Variants in MASP2 observed in about 807,000 individuals in gnomAD.
MASP2 encodes mannan-binding lectin serine protease 2.
A neutral mutation model predicts 57.1 loss-of-function variants in MASP2; 49 were observed. That is an observed-to-expected ratio of 0.86 (90% CI 0.68 to 1.09). MASP2 has a LOEUF of 1.09. MASP2 is among the 50% of genes least tolerant of loss of function. MASP2 has a pLI of 0.00. For synonymous variants in MASP2, 379 were observed against 340.8 expected (o/e 1.11, Z -1.24); for missense variants, 900 against 874.8 (o/e 1.03, Z -0.36).
chr1:11,026,780 A>G lies in MASP2; in HGVS notation c.*105T>C. On this transcript the variant is annotated 3_prime_UTR_variant, in exon 11 of 11. Transcript: ENST00000400897. Reference sequence around the variant, plus strand: ...GTCTGTTTTTTTGGGTGGAGCAACAACTGCCATGTCCACAGTAATGATGAA... The same window carrying G: ...GTCTGTTTTTTTGGGTGGAGCAACAGCTGCCATGTCCACAGTAATGATGAA... 1.0e-6 allele frequency: 1 copy of G among 961,400 alleles called. No individual in the cohort carries two copies. The highest frequency in any genetic ancestry group is 1.5e-6 in the Non-Finnish European group (1 of 687,908). The allele number at this position is 961,400 out of a possible 1,614,324, so 59.6% of individuals were successfully genotyped here.
intron 3 of MASP2, chr1:11,045,779 C>T (rs1366682219): frequency 1.3e-5 from 7 of 559,634 alleles, no homozygotes; most frequent in Non-Finnish European, 2.2e-5. Flanking sequence ...GTTTCAGTGT[C>T]CGGCCCGAGG....
At chr1:11,047,156 G>C in intron 1 of MASP2, 37 bp from the exon 2 acceptor site, 2 of 1,553,792 alleles carry the variant, frequency 1.3e-6, no homozygotes, top group African/African-American at 2.7e-5. Context: ...GCCCAGGCCT[G>C]TGCTCCCACC....
chr1:11,046,166 C>A, intron 3 of MASP2: 3 of 321,972 alleles, frequency 9.3e-6, no homozygotes, highest in Admixed American at 8.7e-5. Flanking sequence ...GTGCGCACCA[C>A]CACGCCCAGC....
intron 6 of MASP2, among the ~76,000 whole-genome samples, chr1:11,042,170 G>GGATA (rs1638475222): frequency 2.1e-5 from 2 of 93,282 alleles, no homozygotes; most frequent in Non-Finnish European, 4.8e-5. Context: ...ATGGATGGAT[G>GGATA]GATGGACAGA....
chr1:11,044,728 G>T, intron 4 of MASP2: 1 of 1,360,798 alleles, frequency 7.3e-7, no homozygotes, highest in Non-Finnish European at 9.8e-7. Flanking sequence ...AGGCTGTGAG[G>T]AGGGTAGGCA....
rs1025019547 is a variant in MASP2 at position 11,037,408 on chromosome 1, C to T, written c.1008+285G>A. 6.6e-5 allele frequency among the ~76,000 whole-genome samples: 10 copies of T among 152,138 alleles called. No homozygotes were observed. The East Asian group carries it at 1.5e-3, about 24-fold the overall frequency. ...CTGGCCAAGTTGCCCATTTTAATCA[C>T]CAGCTTTCCAAACTAGCTTTAAAAC... On this transcript the variant is annotated intron_variant, in intron 7 of 10. Transcript: ENST00000400897.
chr1:11,040,610 C>CT (rs1372911508), intron 6 of MASP2, among the ~76,000 whole-genome samples: 1 of 143,412 alleles, frequency 7.0e-6, no homozygotes, highest in East Asian at 2.2e-4. Context: ...AGAGGGATGG[C>CT]TGAAAGGATG....
chr1:11,027,426 G>A lies in MASP2; in HGVS notation c.1520C>T (p.Pro507Leu). 3 of 1,614,192 alleles carry A rather than the reference G, an allele frequency of 1.9e-6. No homozygotes were observed. Among genetic ancestry groups the A allele is most frequent in the Non-Finnish European group, 2.5e-6 (3 of 1,180,030 alleles). Residue 507 changes from proline (P) to leucine (L), a missense_variant, in exon 11 of 11, where the codon CCT (proline) becomes CTT (leucine). Transcript: ENST00000400897. ...IRMGTLKRLS[P>L]HYTQAWSEAV... ...TTCAGACCAGGCTTGTGTATAATGAGGTGATAGTCTTTTCAGGGTGCCCAT... is the reference window on the plus strand; with the variant it reads ...TTCAGACCAGGCTTGTGTATAATGAAGTGATAGTCTTTTCAGGGTGCCCAT...
intron 7 of MASP2, among the ~76,000 whole-genome samples, chr1:11,036,332 G>A (rs957888513): frequency 2.7e-5 from 4 of 150,212 alleles, no homozygotes; most frequent in Admixed American, 6.6e-5. Context: ...GTGAAACCCC[G>A]TCTCTACTAA....
At chr1:11,035,179 C>A (rs967568591) in intron 7 of MASP2, among the ~76,000 whole-genome samples, 1 of 152,060 alleles carries the variant, frequency 6.6e-6, no homozygotes, top group African/African-American at 2.4e-5. Context: ...CAGATGGAAC[C>A]TTTGCAGCAA....
At chr1:11,044,713 T>C in intron 4 of MASP2, 1 of 1,265,780 alleles carries the variant, frequency 7.9e-7, no homozygotes, top group Non-Finnish European at 1.1e-6. Flanking sequence ...GACCTGGGGT[T>C]CATGAGGCTG....
chr1:11,032,842 G>T (rs1266953550), intron 8 of MASP2, among the ~76,000 whole-genome samples: 1 of 151,872 alleles, frequency 6.6e-6, no homozygotes, highest in East Asian at 1.9e-4. Context: ...CCGGGAGAAG[G>T]AGGTTGCAGT....
chr1:11,036,786 G>A (rs57360396), intron 7 of MASP2, among the ~76,000 whole-genome samples: 2,637 of 152,004 alleles, frequency 0.017, 69 homozygotes, highest in African/African-American at 0.056. Context: ...AAAGCAACAC[G>A]CTAAGCATTT....
At chr1:11,036,043 G>T (rs899905178) in intron 7 of MASP2, among the ~76,000 whole-genome samples, 11 of 152,238 alleles carry the variant, frequency 7.2e-5, no homozygotes, top group Non-Finnish European at 1.5e-4. Context: ...TGTGAGCTTC[G>T]TCTGTGTGCT....
At chr1:11,041,844 G>T (rs1423775911) in intron 6 of MASP2, among the ~76,000 whole-genome samples, 2 of 145,192 alleles carry the variant, frequency 1.4e-5, no homozygotes, top group African/African-American at 5.1e-5. Context: ...ATGAGTAGAA[G>T]GATGGGTTGA....
intron 7 of MASP2, among the ~76,000 whole-genome samples, chr1:11,035,196 A>AT (rs558344116): frequency 1.2e-3 from 172 of 149,560 alleles, no homozygotes; most frequent in East Asian, 2.1e-3. Context: ...GCAATTTATA[A>AT]TTTTTTTTTT....
chr1:11,045,555 G>A lies in MASP2; in HGVS notation c.413-16C>T, dbSNP rs201523647. 6.9e-6 allele frequency: 11 copies of A among 1,596,246 alleles called. No individual in the cohort carries two copies. The East Asian group carries it at 2.2e-4, about 32-fold the overall frequency. ...TCGTCAATGTCTGGGGGAGAGGCAGGGCCAGGCAGGCCGTCAGGAGGGAAA... is the reference window on the plus strand; with the variant it reads ...TCGTCAATGTCTGGGGGAGAGGCAGAGCCAGGCAGGCCGTCAGGAGGGAAA... On this transcript the variant is annotated splice_polypyrimidine_tract_variant and intron_variant, in intron 3 of 10. Transcript: ENST00000400897.
intron 2 of MASP2, 66 bp downstream of exon 2, chr1:11,046,825 A>C: frequency 1.3e-6 from 2 of 1,549,196 alleles, no homozygotes; most frequent in Non-Finnish European, 1.7e-6. Context: ...GGTGTCCCTG[A>C]ACCCTGGCTA....
chr1:11,040,953 G>A (rs1001600944), intron 6 of MASP2, among the ~76,000 whole-genome samples: 1 of 150,838 alleles, frequency 6.6e-6, no homozygotes, highest in African/African-American at 2.5e-5. Context: ...ATAGATAGCT[G>A]GAAAGATGGA....
Sources: allele counts gnomAD v4.1 joint callset (sites outside exome capture counted in the v4.1 genomes callset), GRCh38; gene constraint gnomAD v4.1.1; transcripts MANE v1.5; gene names NCBI Gene and HGNC (gene_info 2026-07-23, HGNC 2026-07-21).